Variants in ADCY2 observed in about 807,000 individuals in gnomAD.
ADCY2 encodes adenylate cyclase type 2.
ADCY2 carries 31 observed loss-of-function variants against 125.2 expected under a neutral mutation model. The observed-to-expected ratio is 0.25, with a 90% CI of 0.19 to 0.33. The LOEUF (loss-of-function observed/expected upper bound fraction) is 0.33. Among genes scored for constraint, ADCY2 ranks in the 10% least tolerant of loss-of-function variants. ADCY2 has a pLI of 1.00. For synonymous variants in ADCY2, 512 were observed against 548.4 expected (o/e 0.93, Z 0.93); for missense variants, 904 against 1,418.2 (o/e 0.64, Z 5.82).
chr5:7,433,920 T>C (rs952581151), intron 2 of ADCY2, among the ~76,000 whole-genome samples: 2 of 152,196 alleles, frequency 1.3e-5, no homozygotes, highest in Admixed American at 6.5e-5. Context: ...TGTCATGTCT[T>C]CATGTCATAC....
chr5:7,648,075 A>G (rs1738963721), intron 4 of ADCY2, among the ~76,000 whole-genome samples: 2 of 152,222 alleles, frequency 1.3e-5, no homozygotes, highest in South Asian at 4.1e-4. Context: ...TTAATAGTCC[A>G]TGAGATTTCA....
intron 4 of ADCY2, among the ~76,000 whole-genome samples, chr5:7,668,404 C>A (rs922771856): frequency 6.6e-6 from 1 of 152,166 alleles, no homozygotes; most frequent in African/African-American, 2.4e-5. Context: ...GTCACATGAG[C>A]CACTTTCTAA....
At chr5:7,681,777 A>G (rs1193116594) in intron 4 of ADCY2, among the ~76,000 whole-genome samples, 3 of 150,910 alleles carry the variant, frequency 2.0e-5, no homozygotes, top group African/African-American at 7.5e-5. Context: ...TCTGACTTCA[A>G]AACCATTTAA....
chr5:7,596,100 A>AT (rs769826195), intron 3 of ADCY2, among the ~76,000 whole-genome samples: 2 of 152,088 alleles, frequency 1.3e-5, no homozygotes, highest in Non-Finnish European at 2.9e-5. Context: ...GAATTTATTT[A>AT]TTTTCTGTCT....
chr5:7,589,803 A>C (rs185467453), intron 3 of ADCY2, among the ~76,000 whole-genome samples: 1 of 152,272 alleles, frequency 6.6e-6, no homozygotes, highest in Admixed American at 6.5e-5. Context: ...AGCTCACAGC[A>C]CTTTTCATTA....
chr5:7,721,047 C>T (rs1249590353), intron 12 of ADCY2, among the ~76,000 whole-genome samples: 1 of 152,212 alleles, frequency 6.6e-6, no homozygotes, highest in Admixed American at 6.5e-5. Flanking sequence ...TCCACATCCC[C>T]TTCAACACCT....
chr5:7,707,029 C>CT, intron 8 of ADCY2, 127 bp downstream of exon 8: 2 of 1,239,506 alleles, frequency 1.6e-6, no homozygotes, highest in Non-Finnish European at 2.2e-6. Context: ...TCATGTTACT[C>CT]ACGCCCAACG....
intron 2 of ADCY2, among the ~76,000 whole-genome samples, chr5:7,486,717 C>CAAA (rs143830738): frequency 4.0e-5 from 6 of 150,218 alleles, no homozygotes; most frequent in African/African-American, 1.5e-4. Context: ...GAGAAATTTA[C>CAAA]AAAAAAAGAA....
In ADCY2 at chr5:7,757,583, CATGGTAAGT is replaced by C; in HGVS notation, c.2092_2094+6del. 2 of 1,565,722 alleles carry C rather than the reference CATGGTAAGT, an allele frequency of 1.3e-6. No homozygotes were observed. Among genetic ancestry groups the C allele is most frequent in the Middle Eastern group, 1.7e-4 (1 of 5,760 alleles). ...TCATATTAATGATGGCCGTGTTCAA[CATGGTAAGT>C]CCCAGAGCACGGCCGTGTTCAACAT... On this transcript the variant is annotated splice_donor_variant and splice_donor_5th_base_variant and coding_sequence_variant and intron_variant, in exon 16 of 25. Coordinates refer to ENST00000338316, the MANE Select transcript of ADCY2 (RefSeq NM_020546.3). LOFTEE classifies it high-confidence loss of function.
At chr5:7,596,093 T>C (rs1452607701) in intron 3 of ADCY2, among the ~76,000 whole-genome samples, 1 of 152,112 alleles carries the variant, frequency 6.6e-6, no homozygotes, top group Non-Finnish European at 1.5e-5. Context: ...TACTGAGGAA[T>C]TTATTTATTT....
At chr5:7,704,802 C>T (rs562333429) in intron 7 of ADCY2, among the ~76,000 whole-genome samples, 23 of 151,234 alleles carry the variant, frequency 1.5e-4, no homozygotes, top group East Asian at 5.9e-4. Context: ...GGCGTGAACC[C>T]GGGCGGCGGA....
At chr5:7,582,633 A>G (rs928433430) in intron 3 of ADCY2, among the ~76,000 whole-genome samples, 4 of 152,192 alleles carry the variant, frequency 2.6e-5, no homozygotes, top group Non-Finnish European at 5.9e-5. Flanking sequence ...GAGAAACTCT[A>G]TGTGAATATT....
intron 3 of ADCY2, among the ~76,000 whole-genome samples, chr5:7,622,725 G>C (rs1737996107): frequency 6.6e-6 from 1 of 152,174 alleles, no homozygotes; most frequent in African/African-American, 2.4e-5. Context: ...CTCTTGCTTG[G>C]GATGAGCTTC....
chr5:7,463,969 C>G (rs1742017273), intron 2 of ADCY2, among the ~76,000 whole-genome samples: 1 of 152,002 alleles, frequency 6.6e-6, no homozygotes, highest in African/African-American at 2.4e-5. Flanking sequence ...TATGTAACAC[C>G]CAAGTAAGTT....
At chr5:7,599,898 A>G (rs764457309) in intron 3 of ADCY2, among the ~76,000 whole-genome samples, 4 of 152,194 alleles carry the variant, frequency 2.6e-5, no homozygotes, top group African/African-American at 9.7e-5. Context: ...GGATTTGGCA[A>G]TTGGAAAGGT....
intron 4 of ADCY2, among the ~76,000 whole-genome samples, chr5:7,689,993 T>G (rs1740653469): frequency 6.6e-6 from 1 of 152,216 alleles, no homozygotes. Flanking sequence ...AGAATAAGTT[T>G]ATGTTAAAAT....
In ADCY2 at chr5:7,759,260, TC is replaced by T. The variant is rs753299698; in HGVS notation, c.2094+1678del. Among the ~76,000 whole-genome samples the T allele has an allele frequency of 1.4e-4, 22 of 152,204 alleles. No homozygotes were observed. The East Asian group carries it at 1.7e-3, about 12-fold the overall frequency. On this transcript the variant is annotated intron_variant, in intron 16 of 24. Coordinates refer to ENST00000338316, the MANE Select transcript of ADCY2 (RefSeq NM_020546.3). ...TGTGTCCCAGCTCCATTTCAGGAGC[TC>T]CCCAAGAAAGAACATGAGGCCAGCC...
intron 7 of ADCY2, among the ~76,000 whole-genome samples, chr5:7,706,462 A>C (rs535541850): frequency 1.2e-4 from 18 of 152,300 alleles, no homozygotes; most frequent in African/African-American, 4.3e-4. Context: ...TAGCTGCTTG[A>C]TACATATTCA....
chr5:7,767,080 A>G (rs539323199), intron 17 of ADCY2, among the ~76,000 whole-genome samples: 2 of 152,356 alleles, frequency 1.3e-5, no homozygotes, highest in South Asian at 2.1e-4. Context: ...CATTTCTAGC[A>G]TATTTCCTAC....
Sources: gnomAD v4.1 joint callset for allele counts (sites outside exome capture counted in the v4.1 genomes callset) on GRCh38, gnomAD v4.1.1 for gene constraint, MANE v1.5 for transcripts, NCBI Gene and HGNC (gene_info 2026-07-23, HGNC 2026-07-21) for gene names.